SFMBT2: variants seen among roughly 807,000 people sequenced by gnomAD.
The protein encoded by SFMBT2 is Scm like with four mbt domains 2.
SFMBT2 carries 38 observed loss-of-function variants against 110.1 expected under a neutral mutation model. The ratio of observed to expected loss-of-function variants is 0.35; its 90% CI spans 0.27 to 0.45. The LOEUF is 0.45. SFMBT2 is among the 20% of genes least tolerant of loss of function. The pLI is 1.00. For missense variants in SFMBT2, 1,011 were observed against 1,094.9 expected, an observed-to-expected ratio of 0.92 and a Z score of 1.08; for synonymous variants, 425 against 425.4, an observed-to-expected ratio of 1.00 and a Z score of 0.01.
rs138533863 is a variant in SFMBT2, at chr10:7,226,706, T to C, written c.1203+1149A>G. On this transcript the variant is annotated intron_variant, in intron 10 of 20. Transcript: ENST00000397167. ...CACAGTTCCTAGGATTGAAGAATTA[T>C]TGATAATTTTGTAAACTACAGTCAT... Among the ~76,000 whole-genome samples the C allele has an allele frequency of 2.0e-3, 298 of 152,364 alleles. 1 individual carries two copies. Among genetic ancestry groups the C allele is most frequent in the South Asian group, 0.011 (54 of 4,826 alleles).
chr10:7,171,172 C>T lies in SFMBT2; in HGVS notation c.2416-116G>A. On this transcript the variant is annotated intron_variant, in intron 19 of 20. Transcript: ENST00000397167. The surrounding 1 kb of genome is among the most constrained non-coding windows in gnomAD (Gnocchi z 4.9). ...CGGAAGCCACTGCCTCCCTTTGCTCCCTCACTGGGCACCTGAAAAAGCTGC... is the reference window on the plus strand; with the variant it reads ...CGGAAGCCACTGCCTCCCTTTGCTCTCTCACTGGGCACCTGAAAAAGCTGC... 2 of 1,533,006 alleles carry T rather than the reference C, an allele frequency of 1.3e-6. No homozygotes were observed. The highest frequency in any genetic ancestry group is 3.5e-5 in the Admixed American group (2 of 57,012). The allele number at this position is 1,533,006 out of a possible 1,614,324, so 95.0% of individuals were successfully genotyped here.
At position 7,408,876 on chromosome 10, in the gene SFMBT2, G is replaced by T; in HGVS notation, c.-52+1985C>A. On this transcript the variant is annotated intron_variant, in intron 1 of 20. Coordinates refer to ENST00000397167, the MANE Select transcript of SFMBT2 (RefSeq NM_001387889.1). This position sits in a 1 kb window ranked among gnomAD's most constrained non-coding sequence, Gnocchi z 5.7. ...CGCCCACTCACATCCCCCGGCGACTGCCCGGCCTCCATGCCCGCCAAGACA... is the reference window on the plus strand; with the variant it reads ...CGCCCACTCACATCCCCCGGCGACTTCCCGGCCTCCATGCCCGCCAAGACA... 6.6e-6 allele frequency: 1 copy of T among 152,516 alleles called. No homozygotes were observed. The allele number at this position is 152,516 out of a possible 1,614,324, so 9.4% of individuals were successfully genotyped here.
intron 7 of SFMBT2, among the ~76,000 whole-genome samples, chr10:7,267,711 G>A (rs979826097): frequency 6.6e-6 from 1 of 152,174 alleles, no homozygotes; most frequent in Non-Finnish European, 1.5e-5. Context: ...GCAAATCTCT[G>A]AGTAGCTCAT....
intron 1 of SFMBT2, among the ~76,000 whole-genome samples, chr10:7,405,517 G>A (rs1331022544): frequency 1.3e-5 from 2 of 152,170 alleles, no homozygotes; most frequent in African/African-American, 4.8e-5. Context: ...CTGCAGCAGG[G>A]ACCCACAGCT....
chr10:7,374,218 T>G (rs1845139924), intron 2 of SFMBT2, among the ~76,000 whole-genome samples: 1 of 152,064 alleles, frequency 6.6e-6, no homozygotes, highest in Non-Finnish European at 1.5e-5. Context: ...GCTGAGATGG[T>G]GCCACTACAC....
At chr10:7,274,007 T>A (rs756643588) in intron 7 of SFMBT2, among the ~76,000 whole-genome samples, 57 of 152,152 alleles carry the variant, frequency 3.7e-4, no homozygotes, top group Non-Finnish European at 7.1e-4. Context: ...CTATTCACAA[T>A]ACCAAAGACT....
At chr10:7,230,384 C>A (rs1840081635) in intron 9 of SFMBT2, among the ~76,000 whole-genome samples, 1 of 152,200 alleles carries the variant, frequency 6.6e-6, no homozygotes, top group Non-Finnish European at 1.5e-5. Context: ...ATGTGAGTTT[C>A]TCTACAATTA....
At chr10:7,287,777 A>C (rs1842138955) in intron 4 of SFMBT2, among the ~76,000 whole-genome samples, 1 of 152,228 alleles carries the variant, frequency 6.6e-6, no homozygotes, top group African/African-American at 2.4e-5. Flanking sequence ...GAATTACTAC[A>C]AAAGGGAAGT....
chr10:7,210,477 C>T (rs1839307396), intron 11 of SFMBT2, among the ~76,000 whole-genome samples: 1 of 152,156 alleles, frequency 6.6e-6, no homozygotes, highest in African/African-American at 2.4e-5. Context: ...TGGGTTCCAC[C>T]TCCTTCAGGA....
chr10:7,233,562 C>G (rs570396468), intron 9 of SFMBT2, among the ~76,000 whole-genome samples: 3 of 152,182 alleles, frequency 2.0e-5, no homozygotes, highest in Non-Finnish European at 2.9e-5. Context: ...AAAAGTGATA[C>G]AATCATCTTC....
At chr10:7,213,275 A>G (rs1839413582) in intron 11 of SFMBT2, among the ~76,000 whole-genome samples, 1 of 152,112 alleles carries the variant, frequency 6.6e-6, no homozygotes, top group Admixed American at 6.5e-5. Context: ...AAAGAAACAC[A>G]GACCTACTGT....
chr10:7,164,875 T>C (rs1293135504), intron 20 of SFMBT2, among the ~76,000 whole-genome samples: 1 of 152,098 alleles, frequency 6.6e-6, no homozygotes, highest in Non-Finnish European at 1.5e-5. Flanking sequence ...TCAGCCTTTC[T>C]CTACCTACAC....
At chr10:7,202,335 AAC>A in intron 13 of SFMBT2, 143 bp downstream of exon 13, 2 of 1,011,788 alleles carry the variant, frequency 2.0e-6, no homozygotes, top group East Asian at 2.6e-5. Context: ...CATAACAAAT[AAC>A]AGTCACTATG....
In SFMBT2 at chr10:7,170,987, C is replaced by T. The variant is rs2131526460; in HGVS notation, c.2485G>A (p.Val829Met). Residue 829 changes from valine (V) to methionine (M), a missense_variant, in exon 20 of 21, where the codon GTG (valine) becomes ATG (methionine). Transcript: ENST00000397167. This position sits in a 1 kb window ranked among gnomAD's most constrained non-coding sequence, Gnocchi z 4.6. The stretch of plus-strand genomic sequence containing the variant: ...TCTGTCAGCTTAATGAACCTCACCA[C>T]GTCGGTGACCGTCCACTCCAACGGG... ...SNPLEWTVTD[V>M]VRFIKLTDCA... 3 of 1,614,238 alleles carry T rather than the reference C, an allele frequency of 1.9e-6. No individual in the cohort carries two copies. The highest frequency in any genetic ancestry group is 1.1e-5 in the South Asian group (1 of 91,088).
At chr10:7,280,430 A>G (rs535718950) in intron 6 of SFMBT2, among the ~76,000 whole-genome samples, 1 of 152,358 alleles carries the variant, frequency 6.6e-6, no homozygotes, top group East Asian at 1.9e-4. Flanking sequence ...GAAAAAAACA[A>G]GGGAATAAAT....
At chr10:7,196,406 C>T (rs760434732) in intron 15 of SFMBT2, among the ~76,000 whole-genome samples, 5 of 152,204 alleles carry the variant, frequency 3.3e-5, no homozygotes, top group Admixed American at 6.5e-5. Context: ...GCCATGCCCA[C>T]GCTGTGCAAT....
rs376772877 is a variant in SFMBT2 at position 7,184,416 on chromosome 10, T to G, written c.1808+4208A>C. Among the ~76,000 whole-genome samples, 114 of 152,254 alleles carry G rather than the reference T, an allele frequency of 7.5e-4. 1 individual carries two copies. The highest frequency in any genetic ancestry group is 6.8e-3 in the Middle Eastern group (2 of 294). The stretch of plus-strand genomic sequence containing the variant: ...TTCTCTTGTCTGCCACCATGTGAGA[T>G]GTGCCTTTCACCTTCCGCTGTGATT... On this transcript the variant is annotated intron_variant, in intron 16 of 20. Transcript: ENST00000397167.
At chr10:7,299,770 G>A (rs10905150) in intron 4 of SFMBT2, among the ~76,000 whole-genome samples, 56,958 of 151,852 alleles carry the variant, frequency 0.38, 11,573 homozygotes, top group East Asian at 0.74. Flanking sequence ...CTTTATAGTA[G>A]AATGATTTAT....
chr10:7,364,140 A>G (rs2132042881), intron 4 of SFMBT2, among the ~76,000 whole-genome samples: 1 of 152,358 alleles, frequency 6.6e-6, no homozygotes, highest in Non-Finnish European at 1.5e-5. Flanking sequence ...AGCGATCAAT[A>G]AAACTTCTTG....
Sources: allele counts gnomAD v4.1 joint callset (sites outside exome capture counted in the v4.1 genomes callset), GRCh38; gene constraint gnomAD v4.1.1; non-coding constraint Gnocchi (gnomAD v3.1); transcripts MANE v1.5; gene names NCBI Gene and HGNC (gene_info 2026-07-23, HGNC 2026-07-21).